CACNA1C: variants seen among roughly 807,000 people sequenced by gnomAD.
CACNA1C encodes calcium voltage-gated channel subunit alpha1 C.
In CACNA1C, 30 loss-of-function variants were observed where a neutral mutation model predicts 229.0. The ratio of observed to expected loss-of-function variants is 0.13; its 90% CI spans 0.10 to 0.18. CACNA1C has a LOEUF of 0.18. Among genes scored for constraint, CACNA1C ranks in the 10% least tolerant of loss-of-function variants. The probability of loss-of-function intolerance (pLI) is 1.00; values close to 1 mark genes in which losing one functional copy is unlikely to be tolerated. For missense variants in CACNA1C, 1,658 were observed against 2,845.0 expected (o/e 0.58, Z 9.49); for synonymous variants, 1,114 against 1,132.5 (o/e 0.98, Z 0.33).
intron 1 of CACNA1C, among the ~76,000 whole-genome samples, chr12:2,077,190 T>C (rs1005758671): frequency 6.6e-6 from 1 of 152,228 alleles, no homozygotes; most frequent in Non-Finnish European, 1.5e-5. Context: ...TTGTTTAAAT[T>C]TGAACATTAG....
intron 3 of CACNA1C, among the ~76,000 whole-genome samples, chr12:2,249,223 C>T (rs974539356): frequency 1.3e-5 from 2 of 152,166 alleles, no homozygotes; most frequent in African/African-American, 2.4e-5. Context: ...TATGAAGTGA[C>T]GTATACTTCA....
chr12:2,120,286 A>G (rs776125104), intron 2 of CACNA1C, 39 bp from the exon 3 acceptor site: 2 of 941,060 alleles, frequency 2.1e-6, no homozygotes, highest in South Asian at 1.3e-5. Context: ...TTTCACTTGT[A>G]CTTTCTGTGG....
intron 1 of CACNA1C, among the ~76,000 whole-genome samples, chr12:1,972,606 C>A (rs2032804214): frequency 6.6e-6 from 1 of 152,166 alleles, no homozygotes; most frequent in African/African-American, 2.4e-5. Flanking sequence ...AATAAGCTAG[C>A]CAAAGTCATT....
intron 29 of CACNA1C, among the ~76,000 whole-genome samples, chr12:2,621,027 T>C (rs549303858): frequency 2.6e-5 from 4 of 152,186 alleles, no homozygotes; most frequent in Non-Finnish European, 5.9e-5. Flanking sequence ...TTTCTAGAGG[T>C]AGCTCTGTTG....
At chr12:2,461,724 C>T (rs755022520) in intron 5 of CACNA1C, among the ~76,000 whole-genome samples, 1 of 152,178 alleles carries the variant, frequency 6.6e-6, no homozygotes, top group Non-Finnish European at 1.5e-5. Flanking sequence ...CCTTATTGGA[C>T]TTATTTCTTT....
intron 1 of CACNA1C, among the ~76,000 whole-genome samples, chr12:2,101,069 T>G (rs1168377963): frequency 6.6e-6 from 1 of 152,106 alleles, no homozygotes; most frequent in African/African-American, 2.4e-5. Flanking sequence ...GTGGACCCTG[T>G]TTTTGCTTAA....
chr12:2,344,483 A>G (rs760132227), intron 3 of CACNA1C, among the ~76,000 whole-genome samples: 9 of 152,120 alleles, frequency 5.9e-5, no homozygotes, highest in Non-Finnish European at 1.2e-4. Context: ...TTGCATTACA[A>G]ATCCACAGAC....
intron 3 of CACNA1C, among the ~76,000 whole-genome samples, chr12:2,362,121 A>G (rs925255114): frequency 3.3e-5 from 5 of 152,204 alleles, no homozygotes. Context: ...GTGTGTACAT[A>G]GGCACATGGT....
chr12:2,032,332 T>C (rs903871367), intron 1 of CACNA1C, among the ~76,000 whole-genome samples: 2 of 152,052 alleles, frequency 1.3e-5, no homozygotes, highest in Non-Finnish European at 2.9e-5. Flanking sequence ...TCACCTGCCG[T>C]ATTTTGGGTG....
chr12:2,517,407 C>G (rs540962891), intron 9 of CACNA1C, among the ~76,000 whole-genome samples: 1 of 152,346 alleles, frequency 6.6e-6, no homozygotes, highest in African/African-American at 2.4e-5. Flanking sequence ...ACGATGTTCC[C>G]TTCTACAGCA....
chr12:2,311,294 A>G (rs576044752), intron 3 of CACNA1C, among the ~76,000 whole-genome samples: 1 of 152,290 alleles, frequency 6.6e-6, no homozygotes, highest in East Asian at 1.9e-4. Context: ...TGGGCTGCAT[A>G]CTTCTGACAT....
Position 2,628,282 on chromosome 12 carries a change from G to A in CACNA1C, c.3829-6015G>A, listed in dbSNP as rs144302175. On this transcript the variant is annotated intron_variant, in intron 29 of 46. Coordinates refer to ENST00000399655, the MANE Select transcript of CACNA1C (RefSeq NM_000719.7). ...ATGGGCCCCTGCCACCACCCCTCTC[G>A]ATAAAAGAAGAGTGGCTTCTAAGAA... Among the ~76,000 whole-genome samples the A allele has an allele frequency of 1.7e-3, 266 of 152,280 alleles. 1 individual carries two copies. The highest frequency in any genetic ancestry group is 6.0e-3 in the African/African-American group (250 of 41,562).
At chr12:2,414,983 C>T (rs115270812) in intron 3 of CACNA1C, among the ~76,000 whole-genome samples, 1,676 of 152,244 alleles carry the variant, frequency 0.011, 11 homozygotes, top group Non-Finnish European at 0.015. Context: ...TCATGCCCAC[C>T]GGGCTCTCTT....
chr12:2,158,992 C>A (rs1158714716), intron 3 of CACNA1C, among the ~76,000 whole-genome samples: 1 of 152,086 alleles, frequency 6.6e-6, no homozygotes, highest in African/African-American at 2.4e-5. Flanking sequence ...AGGGCTAAAC[C>A]CTTACCTTCT....
At chr12:2,030,922 C>A (rs1312395800) in intron 1 of CACNA1C, among the ~76,000 whole-genome samples, 1 of 152,232 alleles carries the variant, frequency 6.6e-6, no homozygotes, top group African/African-American at 2.4e-5. Context: ...GAGTTTAGTT[C>A]ATAAGACAGA....
At chr12:2,683,477 T>C (rs993168919) in intron 43 of CACNA1C, among the ~76,000 whole-genome samples, 3 of 152,208 alleles carry the variant, frequency 2.0e-5, no homozygotes, top group African/African-American at 7.2e-5. Flanking sequence ...AAGCCCTGTC[T>C]CATCTGTTAC....
chr12:2,525,834 C>G (rs1372416456), intron 9 of CACNA1C, among the ~76,000 whole-genome samples: 1 of 152,194 alleles, frequency 6.6e-6, no homozygotes, highest in East Asian at 1.9e-4. Flanking sequence ...ACTTTGTCCT[C>G]TTAAATAACT....
intron 8 of CACNA1C, among the ~76,000 whole-genome samples, chr12:2,509,668 C>A (rs1017646368): frequency 6.6e-6 from 1 of 152,182 alleles, no homozygotes; most frequent in Admixed American, 6.5e-5. Flanking sequence ...CAGGACGGCA[C>A]TTCAGCATTA....
chr12:1,983,877 A>G (rs1469223262), intron 1 of CACNA1C, among the ~76,000 whole-genome samples: 2 of 151,896 alleles, frequency 1.3e-5, no homozygotes, highest in Admixed American at 1.3e-4. Context: ...TTTCGGTTCT[A>G]TCACTTTTTG....
Sources: gnomAD v4.1 joint callset for allele counts (sites outside exome capture counted in the v4.1 genomes callset) on GRCh38, gnomAD v4.1.1 for gene constraint, MANE v1.5 for transcripts, NCBI Gene and HGNC (gene_info 2026-07-23, HGNC 2026-07-21) for gene names.